Variants in UNC5D observed in about 807,000 individuals in gnomAD.
The protein encoded by UNC5D is unc-5 netrin receptor D, also known as netrin receptor UNC5D.
A neutral mutation model predicts 105.4 loss-of-function variants in UNC5D; 39 were observed. That is an observed-to-expected ratio of 0.37 (90% CI 0.29 to 0.48). UNC5D has a LOEUF of 0.48. UNC5D is among the 20% of genes least tolerant of loss of function. The pLI is 0.98. For missense variants in UNC5D, 991 were observed against 1,202.4 expected, an observed-to-expected ratio of 0.82 and a Z score of 2.60; for synonymous variants, 452 against 450.4, an observed-to-expected ratio of 1.00 and a Z score of -0.04.
chr8:35,481,831 A>G (rs1810503323), intron 1 of UNC5D, among the ~76,000 whole-genome samples: 1 of 152,068 alleles, frequency 6.6e-6, no homozygotes, highest in African/African-American at 2.4e-5. Flanking sequence ...AATATGCTGG[A>G]GTTTTCACTG....
chr8:35,771,794 A>T (rs1203332960), intron 15 of UNC5D, among the ~76,000 whole-genome samples: 1 of 152,162 alleles, frequency 6.6e-6, no homozygotes, highest in Non-Finnish European at 1.5e-5. Context: ...TTGTCTTGAA[A>T]CAGGGTGCTA....
At position 35,586,413 on chromosome 8, in the gene UNC5D, T is replaced by A. The variant is rs568122831; in HGVS notation, c.467-9141T>A. Among the ~76,000 whole-genome samples the A allele has an allele frequency of 6.6e-3, 1,010 of 152,318 alleles. 14 individuals are homozygous for A. The highest frequency in any genetic ancestry group is 0.022 in the African/African-American group (927 of 41,572). On this transcript the variant is annotated intron_variant, in intron 3 of 16. Coordinates refer to ENST00000404895, the MANE Select transcript of UNC5D (RefSeq NM_080872.4). ...AATTCACCTAACAGAAAGCCTTTTA[T>A]GTGCCTTCCCTCGGGAACTGAAGCC...
intron 1 of UNC5D, among the ~76,000 whole-genome samples, chr8:35,294,052 A>G (rs1112204): frequency 0.42 from 64,306 of 151,982 alleles, 13,891 homozygotes; most frequent in East Asian, 0.7. Flanking sequence ...TAAAGCATCA[A>G]TGAAATAAAT....
At chr8:35,660,573 T>C (rs970287861) in intron 4 of UNC5D, among the ~76,000 whole-genome samples, 4 of 152,162 alleles carry the variant, frequency 2.6e-5, no homozygotes, top group Non-Finnish European at 5.9e-5. Flanking sequence ...CACCCCTTCA[T>C]CACTCAGATT....
chr8:35,600,128 G>T lies in UNC5D; in HGVS notation c.570+4471G>T, dbSNP rs541074010. Among the ~76,000 whole-genome samples the T allele has an allele frequency of 4.3e-4, 65 of 152,272 alleles. 1 individual carries two copies. The highest frequency in any genetic ancestry group is 1.3e-3 in the African/African-American group (56 of 41,550). On this transcript the variant is annotated intron_variant, in intron 4 of 16. Transcript: ENST00000404895. ...TCATCCATGTCCCTACAAAGGACATGAACTCATCATTTTTTATGGCTGCAT... is the reference window on the plus strand; with the variant it reads ...TCATCCATGTCCCTACAAAGGACATTAACTCATCATTTTTTATGGCTGCAT...
At chr8:35,412,096 G>A (rs1805212777) in intron 1 of UNC5D, among the ~76,000 whole-genome samples, 1 of 152,034 alleles carries the variant, frequency 6.6e-6, no homozygotes, top group Non-Finnish European at 1.5e-5. Context: ...TTATTGGTGT[G>A]TAAACTGCCT....
intron 1 of UNC5D, among the ~76,000 whole-genome samples, chr8:35,269,709 G>T (rs971312206): frequency 6.6e-6 from 1 of 152,092 alleles, no homozygotes; most frequent in Non-Finnish European, 1.5e-5. Flanking sequence ...TCCCATCGCC[G>T]GTTTGGGTAT....
At chr8:35,706,007 C>A in intron 8 of UNC5D, 46 bp downstream of exon 8, 1 of 1,217,372 alleles carries the variant, frequency 8.2e-7, no homozygotes, top group Non-Finnish European at 1.2e-6. Flanking sequence ...CTCATATTTG[C>A]TGCCTTGCTG....
At chr8:35,736,293 C>T (rs1213414324) in intron 11 of UNC5D, among the ~76,000 whole-genome samples, 1 of 152,142 alleles carries the variant, frequency 6.6e-6, no homozygotes, top group Non-Finnish European at 1.5e-5. Flanking sequence ...ATGGCTTGAG[C>T]ATGGGAGGTC....
chr8:35,578,413 T>C (rs1216939297), intron 3 of UNC5D, among the ~76,000 whole-genome samples: 1 of 152,154 alleles, frequency 6.6e-6, no homozygotes, highest in Non-Finnish European at 1.5e-5. Flanking sequence ...AAATGCTGTC[T>C]ACATGTGGGA....
At chr8:35,480,309 T>G (rs1810396891) in intron 1 of UNC5D, among the ~76,000 whole-genome samples, 2 of 152,198 alleles carry the variant, frequency 1.3e-5, no homozygotes, top group African/African-American at 4.8e-5. Flanking sequence ...AAAAGTCTGC[T>G]AACTTAAATT....
At chr8:35,537,654 T>G (rs991056733) in intron 1 of UNC5D, among the ~76,000 whole-genome samples, 4 of 151,724 alleles carry the variant, frequency 2.6e-5, no homozygotes, top group Non-Finnish European at 5.9e-5. Context: ...CACTCCAGCC[T>G]GGAAAAGATC....
intron 1 of UNC5D, among the ~76,000 whole-genome samples, chr8:35,334,464 T>TA (rs1390314231): frequency 6.6e-6 from 1 of 152,174 alleles, no homozygotes; most frequent in African/African-American, 2.4e-5. Flanking sequence ...ATTTTGGAGT[T>TA]AGACTACTTA....
chr8:35,380,507 G>C (rs1725615601), intron 1 of UNC5D, among the ~76,000 whole-genome samples: 2 of 152,006 alleles, frequency 1.3e-5, no homozygotes, highest in South Asian at 4.2e-4. Flanking sequence ...GCTCTCTAAG[G>C]CATAATGTTT....
Position 35,625,343 on chromosome 8 carries a change from A to G in UNC5D, c.570+29686A>G, listed in dbSNP as rs150397992. Among the ~76,000 whole-genome samples the G allele has an allele frequency of 3.3e-5, 5 of 152,344 alleles. No individual in the cohort carries two copies. In the East Asian group the frequency reaches 9.6e-4, roughly 29 times the overall value. On this transcript the variant is annotated intron_variant, in intron 4 of 16. Transcript: ENST00000404895. ...CGATGTTCTGGTGGATATCTACATA[A>G]ACTCTGATGGTTTATTTACTACTGT...
At chr8:35,595,442 TG>T in intron 3 of UNC5D, 111 bp from the exon 4 acceptor site, 1 of 752,676 alleles carries the variant, frequency 1.3e-6, no homozygotes, top group East Asian at 2.6e-5. Flanking sequence ...GACTTATTTT[TG>T]TGTGTGTGTG....
chr8:35,641,020 G>C (rs1822676752), intron 4 of UNC5D, among the ~76,000 whole-genome samples: 1 of 151,748 alleles, frequency 6.6e-6, no homozygotes, highest in African/African-American at 2.4e-5. Context: ...TTATAAGACA[G>C]CTTTTTTAGA....
chr8:35,454,063 C>A (rs946461564), intron 1 of UNC5D, among the ~76,000 whole-genome samples: 2 of 152,156 alleles, frequency 1.3e-5, no homozygotes, highest in African/African-American at 4.8e-5. Context: ...ATACTTTGAT[C>A]TTGGAGTCCT....
At chr8:35,383,914 A>C (rs1803201459) in intron 1 of UNC5D, among the ~76,000 whole-genome samples, 2 of 152,086 alleles carry the variant, frequency 1.3e-5, no homozygotes, top group Middle Eastern at 3.4e-3. Context: ...CCCTGTCTCT[A>C]CTGAAAAAAT....
Sources: gnomAD v4.1 joint callset for allele counts (sites outside exome capture counted in the v4.1 genomes callset) on GRCh38, gnomAD v4.1.1 for gene constraint, MANE v1.5 for transcripts, NCBI Gene and HGNC (gene_info 2026-07-23, HGNC 2026-07-21) for gene names.